PPP2R2C: variants seen among roughly 807,000 people sequenced by gnomAD.
The protein encoded by PPP2R2C is protein phosphatase 2 regulatory subunit Bgamma.
A neutral mutation model predicts 45.3 loss-of-function variants in PPP2R2C; 10 were observed. The observed-to-expected ratio is 0.22, with a 90% CI of 0.14 to 0.37. The LOEUF is 0.37. Ranked by LOEUF, PPP2R2C falls within the 10% of genes least tolerant of loss-of-function variation. PPP2R2C has a pLI of 1.00. For missense variants in PPP2R2C, 308 were observed against 619.7 expected (o/e 0.50, Z 5.34); for synonymous variants, 257 against 245.4 (o/e 1.05, Z -0.44).
intron 1 of PPP2R2C, among the ~76,000 whole-genome samples, chr4:6,535,893 G>T (rs1239077656): frequency 2.6e-5 from 4 of 152,234 alleles, no homozygotes; most frequent in African/African-American, 9.6e-5. Flanking sequence ...CAGCTGAACT[G>T]TCGCCACCTC....
chr4:6,457,282 T>C (rs1375727286), intron 1 of PPP2R2C, among the ~76,000 whole-genome samples: 1 of 151,718 alleles, frequency 6.6e-6, no homozygotes, highest in African/African-American at 2.4e-5. Flanking sequence ...ATGAGGAAAT[T>C]ACAATTCTTC....
chr4:6,350,550 C>A, intron 5 of PPP2R2C: 1 of 985,350 alleles, frequency 1.0e-6, no homozygotes, highest in South Asian at 4.7e-5. Context: ...TCAGGACACT[C>A]ATTCTCGTTG....
rs1303251267 is a variant in PPP2R2C, at chr4:6,329,747, G to A, written c.961-394C>T. Among the ~76,000 whole-genome samples the A allele has an allele frequency of 6.6e-6, 1 of 152,208 alleles. No individual in the cohort carries two copies. The highest frequency in any genetic ancestry group is 1.5e-5 in the Non-Finnish European group (1 of 68,034). ...CCAGAGACGGGAGTAGCACCAGGGA[G>A]CAGAGTCCACTGTGACAAACAGAAC... On this transcript the variant is annotated intron_variant, in intron 7 of 8. Transcript: ENST00000382599. This position sits in a 1 kb window ranked among gnomAD's most constrained non-coding sequence, Gnocchi z 5.8.
At chr4:6,439,856 C>T (rs986685469) in intron 1 of PPP2R2C, among the ~76,000 whole-genome samples, 1 of 152,166 alleles carries the variant, frequency 6.6e-6, no homozygotes, top group Admixed American at 6.5e-5. Flanking sequence ...GGAGCTTAGC[C>T]CACCCCATGC....
At chr4:6,404,673 T>C (rs748096166) in intron 1 of PPP2R2C, among the ~76,000 whole-genome samples, 3 of 151,942 alleles carry the variant, frequency 2.0e-5, no homozygotes, top group Non-Finnish European at 4.4e-5. Flanking sequence ...CAGGAAGCTG[T>C]AGTTAACAGA....
chr4:6,481,544 T>C (rs1722347570), intron 2 of PPP2R2C, among the ~76,000 whole-genome samples: 1 of 152,228 alleles, frequency 6.6e-6, no homozygotes, highest in Non-Finnish European at 1.5e-5. Context: ...AGTACTACCC[T>C]GCCGTAGAGA....
chr4:6,532,405 C>T (rs1204452141), intron 2 of PPP2R2C, among the ~76,000 whole-genome samples: 1 of 152,220 alleles, frequency 6.6e-6, no homozygotes, highest in East Asian at 1.9e-4. Context: ...ATAATTCCTG[C>T]CCATCCCAGA....
chr4:6,384,488 T>G, intron 1 of PPP2R2C: 1 of 978,804 alleles, frequency 1.0e-6, no homozygotes, highest in Non-Finnish European at 1.2e-6. Flanking sequence ...TTACATCATT[T>G]TTTAATAGCT....
At chr4:6,538,859 G>T (rs1038452205) in intron 1 of PPP2R2C, among the ~76,000 whole-genome samples, 3 of 152,180 alleles carry the variant, frequency 2.0e-5, no homozygotes, top group Non-Finnish European at 4.4e-5. Flanking sequence ...CGGGGACCTT[G>T]TCGGTGTATC....
chr4:6,325,432 C>T (rs912312479), intron 8 of PPP2R2C, among the ~76,000 whole-genome samples: 6 of 152,178 alleles, frequency 3.9e-5, no homozygotes, highest in South Asian at 2.1e-4. Flanking sequence ...CCTGCCCAGG[C>T]GCCACAGGCT....
rs146793237 is a variant in PPP2R2C, at chr4:6,548,626, T to G, written c.-58-13249A>C. Among the ~76,000 whole-genome samples the G allele has an allele frequency of 3.0e-3, 463 of 152,236 alleles. 2 individuals carry two copies. Among genetic ancestry groups the G allele is most frequent in the African/African-American group, 0.011 (451 of 41,542 alleles). ...TAGAGCTTCCCGACAGCCATGCAAG[T>G]GTGACTGACCCTCTCAGCCAACCGA... On this transcript the variant is annotated intron_variant, in intron 1 of 9. Coordinates refer to the PPP2R2C transcript ENST00000506140.
At chr4:6,396,773 G>A (rs1717063785) in intron 1 of PPP2R2C, among the ~76,000 whole-genome samples, 1 of 152,260 alleles carries the variant, frequency 6.6e-6, no homozygotes, top group African/African-American at 2.4e-5. Context: ...CTTCGGGTTG[G>A]GGCTGGGAGG....
chr4:6,386,150 A>T (rs1177079844), intron 1 of PPP2R2C, among the ~76,000 whole-genome samples: 1 of 152,228 alleles, frequency 6.6e-6, no homozygotes, highest in Non-Finnish European at 1.5e-5. Context: ...CTCTGAAGGC[A>T]TCGGAGGGTG....
intron 1 of PPP2R2C, chr4:6,535,510 G>C: frequency 1.6e-6 from 1 of 615,590 alleles, no homozygotes; most frequent in South Asian, 2.0e-5. Context: ...GCTCCAGCCA[G>C]CCCTGGGCCA....
chr4:6,355,261 A>G lies in PPP2R2C; in HGVS notation c.626-7251T>C, dbSNP rs919230121. ...CTCTGATCAGGGCTCAGGGGGCAGGAGGTTGCAAACCATCTCAAGGGGAAG... is the reference window on the plus strand; with the variant it reads ...CTCTGATCAGGGCTCAGGGGGCAGGGGGTTGCAAACCATCTCAAGGGGAAG... On this transcript the variant is annotated intron_variant, in intron 5 of 8. Coordinates refer to ENST00000382599, the MANE Select transcript of PPP2R2C (RefSeq NM_020416.4). Among the ~76,000 whole-genome samples the G allele has an allele frequency of 2.2e-4, 33 of 152,128 alleles. 1 individual carries two copies.
upstream of PPP2R2C, among the ~76,000 whole-genome samples, chr4:6,474,487 C>G (rs901890023): frequency 1.3e-5 from 2 of 152,112 alleles, no homozygotes; most frequent in African/African-American, 4.8e-5. Flanking sequence ...CCTCTCTGAT[C>G]ATGGAGAAGT....
In PPP2R2C at chr4:6,332,765, G is replaced by A. The variant is rs1355892195; in HGVS notation, c.960+797C>T. Among the ~76,000 whole-genome samples the A allele has an allele frequency of 1.3e-5, 2 of 152,108 alleles. No homozygotes were observed. Among genetic ancestry groups the A allele is most frequent in the Admixed American group, 1.3e-4 (2 of 15,280 alleles). On this transcript the variant is annotated intron_variant, in intron 7 of 8. Coordinates refer to ENST00000382599, the MANE Select transcript of PPP2R2C (RefSeq NM_020416.4). This position sits in a 1 kb window ranked among gnomAD's most constrained non-coding sequence, Gnocchi z 4.9. The stretch of plus-strand genomic sequence containing the variant: ...GGAGGTGACAGATGTCAAGCACGTG[G>A]CACCCCATGTGTGAGGAGTGACACG...
At chr4:6,395,638 G>A (rs767654431) in intron 1 of PPP2R2C, among the ~76,000 whole-genome samples, 1 of 152,200 alleles carries the variant, frequency 6.6e-6, no homozygotes, top group Non-Finnish European at 1.5e-5. Flanking sequence ...TGGTGTGAGA[G>A]CTGCTGTGGT....
intron 2 of PPP2R2C, among the ~76,000 whole-genome samples, chr4:6,522,288 T>G (rs138714608): frequency 1.6e-4 from 25 of 152,342 alleles, no homozygotes; most frequent in Non-Finnish European, 2.9e-4. Flanking sequence ...GGAAGGCTGA[T>G]GTCATTCAGT....
Sources: allele counts gnomAD v4.1 joint callset (sites outside exome capture counted in the v4.1 genomes callset), GRCh38; gene constraint gnomAD v4.1.1; non-coding constraint Gnocchi (gnomAD v3.1); transcripts MANE v1.5; gene names NCBI Gene and HGNC (gene_info 2026-07-23, HGNC 2026-07-21).